HS3ST2: variants seen among roughly 807,000 people sequenced by gnomAD.
HS3ST2 encodes the protein heparan sulfate glucosamine 3-O-sulfotransferase 2.
In HS3ST2, 17 loss-of-function variants were observed where a neutral mutation model predicts 26.3. That is an observed-to-expected ratio of 0.65 (90% CI 0.44 to 0.97). The LOEUF (loss-of-function observed/expected upper bound fraction) is 0.97. Among genes scored for constraint, HS3ST2 ranks in the 50% least tolerant of loss-of-function variants. The pLI, the probability that HS3ST2 is intolerant of heterozygous loss-of-function variation, is 0.00. For synonymous variants in HS3ST2, 237 were observed against 219.2 expected, an observed-to-expected ratio of 1.08 and a Z score of -0.72; for missense variants, 402 against 501.2, an observed-to-expected ratio of 0.80 and a Z score of 1.89.
chr16:22,901,917 A>T (rs536203523), intron 1 of HS3ST2, among the ~76,000 whole-genome samples: 1 of 152,328 alleles, frequency 6.6e-6, no homozygotes, highest in East Asian at 1.9e-4. Flanking sequence ...AATGACAAAA[A>T]ATACATGCTC....
intron 1 of HS3ST2, among the ~76,000 whole-genome samples, chr16:22,825,836 A>T (rs1413128642): frequency 1.3e-5 from 2 of 152,228 alleles, no homozygotes; most frequent in Non-Finnish European, 2.9e-5. Context: ...CAGCCTGGCC[A>T]ACATGGTGAA....
In HS3ST2 at chr16:22,850,343, C is replaced by T. The variant is rs57366392; in HGVS notation, c.485+35248C>T. On this transcript the variant is annotated intron_variant, in intron 1 of 1. Coordinates refer to ENST00000261374, the MANE Select transcript of HS3ST2 (RefSeq NM_006043.2). ...CGGTAGGTATATATGTGTGATATTG[C>T]CCTAAAAAATAATACCTTATAATGG... Among the ~76,000 whole-genome samples, 161 of 152,032 alleles carry T rather than the reference C, an allele frequency of 1.1e-3. 2 individuals carry two copies. In the East Asian group the frequency reaches 0.025, roughly 23 times the overall value.
chr16:22,878,794 G>A (rs962122324), intron 1 of HS3ST2, among the ~76,000 whole-genome samples: 8 of 151,992 alleles, frequency 5.3e-5, no homozygotes, highest in African/African-American at 1.9e-4. Context: ...TGAGGGAGAA[G>A]CCGTGTGGAT....
Position 22,907,958 on chromosome 16 carries a change from C to T in HS3ST2, c.486-6986C>T, listed in dbSNP as rs530955097. Among the ~76,000 whole-genome samples the T allele has an allele frequency of 6.6e-5, 10 of 152,158 alleles. No homozygotes were observed. In the South Asian group the frequency reaches 1.9e-3, roughly 28 times the overall value. ...TTTGAGACCAGCCAGGGCAACATGG[C>T]GAAACCTTGTCTCTACTAAAAATAC... is the stretch of plus-strand genomic sequence containing the variant. On this transcript the variant is annotated intron_variant, in intron 1 of 1. Transcript: ENST00000261374.
intron 1 of HS3ST2, among the ~76,000 whole-genome samples, chr16:22,884,175 G>T (rs1025377504): frequency 1.3e-5 from 2 of 152,194 alleles, no homozygotes; most frequent in Non-Finnish European, 1.5e-5. Context: ...CAGGGTGCTT[G>T]TTATGTGTCA....
Position 22,916,177 on chromosome 16 carries a change from C to T in HS3ST2, c.*615C>T, listed in dbSNP as rs1902493865. 6.5e-6 allele frequency: 1 copy of T among 152,832 alleles called. No homozygotes were observed. The highest frequency in any genetic ancestry group is 2.1e-4 in the South Asian group (1 of 4,830). 9.5% of individuals were successfully genotyped at this position (152,832 alleles called of 1,614,324 possible). On this transcript the variant is annotated 3_prime_UTR_variant, in exon 2 of 2. Coordinates refer to ENST00000261374, the MANE Select transcript of HS3ST2 (RefSeq NM_006043.2). ...TATGGTCTCAACTGTGCTTGAAAAA[C>T]ACTGTCTCTGAAAACAACTTTGTGA...
chr16:22,876,490 A>G (rs965439150), intron 1 of HS3ST2, among the ~76,000 whole-genome samples: 5 of 152,188 alleles, frequency 3.3e-5, no homozygotes, highest in African/African-American at 1.2e-4. Flanking sequence ...AAAAATTAAA[A>G]CATAATAGAT....
Position 22,910,512 on chromosome 16 carries a change from C to T in HS3ST2, c.486-4432C>T, listed in dbSNP as rs1294636749. On this transcript the variant is annotated intron_variant, in intron 1 of 1. Coordinates refer to ENST00000261374, the MANE Select transcript of HS3ST2 (RefSeq NM_006043.2). The stretch of plus-strand genomic sequence containing the variant: ...TCTAAGAAAATCCAGCCAAAGAATT[C>T]TATTCAAGTGCCCTTGTGATTGTTT... Among the ~76,000 whole-genome samples the T allele has an allele frequency of 5.3e-5, 8 of 152,188 alleles. No homozygotes were observed. The East Asian group carries it at 1.5e-3, about 29-fold the overall frequency.
chr16:22,889,543 G>A (rs189572366), intron 1 of HS3ST2, among the ~76,000 whole-genome samples: 3 of 152,176 alleles, frequency 2.0e-5, no homozygotes, highest in South Asian at 2.1e-4. Flanking sequence ...TTTCAGATTC[G>A]GGATGCTCAA....
At chr16:22,872,293 A>C (rs773580359) in intron 1 of HS3ST2, among the ~76,000 whole-genome samples, 5 of 152,178 alleles carry the variant, frequency 3.3e-5, no homozygotes, top group Non-Finnish European at 7.3e-5. Flanking sequence ...TTTCAAGGAG[A>C]TAAGTTCCCT....
chr16:22,912,449 G>C (rs1373503168), intron 1 of HS3ST2, among the ~76,000 whole-genome samples: 1 of 152,206 alleles, frequency 6.6e-6, no homozygotes, highest in Non-Finnish European at 1.5e-5. Context: ...AATGTTCTGG[G>C]GGTTGGTAAA....
At chr16:22,883,311 T>C (rs1183307525) in intron 1 of HS3ST2, among the ~76,000 whole-genome samples, 1 of 152,218 alleles carries the variant, frequency 6.6e-6, no homozygotes, top group East Asian at 1.9e-4. Flanking sequence ...TTTAAACCCT[T>C]TCAGAGACAG....
Position 22,915,875 on chromosome 16 carries a change from G to A in HS3ST2, c.*313G>A. Reference sequence around the variant, plus strand: ...TAAGAAGAGTGAATGTTCCAATGATGATAGATATTATAAGCGATGATGGTT... The same window carrying A: ...TAAGAAGAGTGAATGTTCCAATGATAATAGATATTATAAGCGATGATGGTT... On this transcript the variant is annotated 3_prime_UTR_variant, in exon 2 of 2. Transcript: ENST00000261374. 1 of 342,214 alleles carries A rather than the reference G, an allele frequency of 2.9e-6. No individual in the cohort carries two copies. Among genetic ancestry groups the A allele is most frequent in the South Asian group, 5.0e-5 (1 of 20,108 alleles). The allele number at this position is 342,214 out of a possible 1,614,324, so 21.2% of individuals were successfully genotyped here.
At chr16:22,874,506 T>G (rs945349505) in intron 1 of HS3ST2, among the ~76,000 whole-genome samples, 2 of 152,174 alleles carry the variant, frequency 1.3e-5, no homozygotes, top group African/African-American at 4.8e-5. Flanking sequence ...AGTCTCCCAA[T>G]CCATGCTTCC....
intron 1 of HS3ST2, among the ~76,000 whole-genome samples, chr16:22,826,245 C>T (rs1901084583): frequency 1.3e-5 from 2 of 152,154 alleles, no homozygotes; most frequent in African/African-American, 4.8e-5. Flanking sequence ...GGGGCCCCCA[C>T]CCAGGGTGGG....
chr16:22,911,823 C>T (rs571209056), intron 1 of HS3ST2, among the ~76,000 whole-genome samples: 5 of 152,274 alleles, frequency 3.3e-5, no homozygotes, highest in South Asian at 4.1e-4. Flanking sequence ...AATAAGGTCA[C>T]GTTCAAATGT....
chr16:22,828,334 A>G (rs1202493041), intron 1 of HS3ST2, among the ~76,000 whole-genome samples: 4 of 152,142 alleles, frequency 2.6e-5, no homozygotes, highest in Admixed American at 1.3e-4. Context: ...GTGACACTCA[A>G]TGGGAGCCAC....
In HS3ST2 at chr16:22,878,444, C is replaced by G. The variant is rs1394696361; in HGVS notation, c.486-36500C>G. Among the ~76,000 whole-genome samples, 5 of 152,248 alleles carry G rather than the reference C, an allele frequency of 3.3e-5. 1 individual carries two copies. In the Middle Eastern group the frequency reaches 0.014, roughly 414 times the overall value. On this transcript the variant is annotated intron_variant, in intron 1 of 1. Transcript: ENST00000261374. Reference sequence around the variant, plus strand: ...GAGATTAGTACATGTTCGAGTCACACTAACACTAAACTGAGACTTTGTCCT... The same window carrying G: ...GAGATTAGTACATGTTCGAGTCACAGTAACACTAAACTGAGACTTTGTCCT...
At chr16:22,912,629 G>A (rs924401522) in intron 1 of HS3ST2, among the ~76,000 whole-genome samples, 1 of 152,214 alleles carries the variant, frequency 6.6e-6, no homozygotes, top group Admixed American at 6.5e-5. Context: ...CCCTACAGGG[G>A]TGTTGTATAG....
Sources: allele counts gnomAD v4.1 joint callset (sites outside exome capture counted in the v4.1 genomes callset), GRCh38; gene constraint gnomAD v4.1.1; transcripts MANE v1.5; gene names NCBI Gene and HGNC (gene_info 2026-07-23, HGNC 2026-07-21).